The following PPFIBP1 variants were observed in gnomAD, a reference collection of about 807,000 sequenced individuals.
PPFIBP1 encodes liprin-beta-1.
A neutral mutation model predicts 137.8 loss-of-function variants in PPFIBP1; 112 were observed. The ratio of observed to expected loss-of-function variants is 0.81; its 90% CI spans 0.70 to 0.95. PPFIBP1 has a LOEUF of 0.95. Ranked by LOEUF, PPFIBP1 falls within the 40% of genes least tolerant of loss-of-function variation. PPFIBP1 has a pLI of 0.00. For synonymous variants in PPFIBP1, 378 were observed against 417.3 expected (o/e 0.91, Z 1.15); for missense variants, 1,083 against 1,196.6 (o/e 0.91, Z 1.40).
chr12:27,656,859 A>G, intron 9 of PPFIBP1, 129 bp downstream of exon 9: 2 of 632,094 alleles, frequency 3.2e-6, no homozygotes, highest in Non-Finnish European at 5.7e-6. Flanking sequence ...AGCCAGGACC[A>G]GAACCACAGG....
At chr12:27,679,868 G>C (rs1312888396) in intron 20 of PPFIBP1, 65 bp from the exon 21 acceptor site, 1 of 1,582,462 alleles carries the variant, frequency 6.3e-7, no homozygotes, top group Non-Finnish European at 8.6e-7. Context: ...AGTTAAAAAT[G>C]TTCTGATTAA....
At chr12:27,618,259 T>C (rs953154177) in intron 2 of PPFIBP1, among the ~76,000 whole-genome samples, 11 of 152,220 alleles carry the variant, frequency 7.2e-5, no homozygotes, top group Non-Finnish European at 1.3e-4. Flanking sequence ...ACCACCTGAA[T>C]GGACCCCTCC....
chr12:27,589,835 T>A (rs1161924382), intron 2 of PPFIBP1, among the ~76,000 whole-genome samples: 2 of 152,238 alleles, frequency 1.3e-5, no homozygotes, highest in African/African-American at 4.8e-5. Flanking sequence ...CCTATCATAG[T>A]GTCTAGTCTA....
At chr12:27,670,794 A>AAATAATAATAATAAT (rs1555238677) in intron 13 of PPFIBP1, among the ~76,000 whole-genome samples, 5 of 139,416 alleles carry the variant, frequency 3.6e-5, no homozygotes, top group African/African-American at 5.3e-5. Context: ...AAAAAAAAAA[A>AAATAATAATAATAAT]AATAATAATA....
rs200563067 is a variant in PPFIBP1 at position 27,578,519 on chromosome 12, CATAAA to C, written c.-36+287_-36+291del. ...GAAGGAAGACACAGACTTGGTAGAA[CATAAA>C]ATAAAAAGCACAGCCCTCTTCTCGA... On this transcript the variant is annotated intron_variant, in intron 2 of 29. Transcript: ENST00000228425. 6.4e-3 allele frequency among the ~76,000 whole-genome samples: 973 copies of C among 152,258 alleles called. 8 individuals carry two copies. Among genetic ancestry groups the C allele is most frequent in the African/African-American group, 0.022 (926 of 41,536 alleles).
At position 27,583,261 on chromosome 12, in the gene PPFIBP1, TAAG is replaced by T. The variant is rs550169641; in HGVS notation, c.-36+5027_-36+5029del. 3.5e-4 allele frequency among the ~76,000 whole-genome samples: 53 copies of T among 152,248 alleles called. No individual in the cohort carries two copies. The Middle Eastern group carries it at 0.02, about 59-fold the overall frequency. ...CATTATCTCAACCTTGGGGAAGAGT[TAAG>T]AAGACACAGGATGGAACACTGTTAG... On this transcript the variant is annotated intron_variant, in intron 2 of 29. Transcript: ENST00000228425.
chr12:27,532,480 A>G (rs573477239), intron 1 of PPFIBP1, among the ~76,000 whole-genome samples: 1 of 150,898 alleles, frequency 6.6e-6, no homozygotes, highest in South Asian at 2.1e-4. Flanking sequence ...TTTTTACAGT[A>G]TATTACATCT....
rs3842650 is a variant in PPFIBP1 at position 27,644,244 on chromosome 12, G to GTTTTT, written c.271-1797_271-1793dup. ...GGCGCACACCACCAAGCTTGGCTAA[G>GTTTTT]TTTTTTTTTTTTTTTTTTTTTTTTT... On this transcript the variant is annotated intron_variant, in intron 4 of 29. Coordinates refer to ENST00000228425, the MANE Select transcript of PPFIBP1 (RefSeq NM_003622.4). 1.0e-3 allele frequency among the ~76,000 whole-genome samples: 122 copies of GTTTTT among 117,728 alleles called. 3 individuals carry two copies. The highest frequency in any genetic ancestry group is 1.6e-3 in the Non-Finnish European group (95 of 58,800). 77.2% of individuals were successfully genotyped at this position (117,728 alleles called of 152,430 possible).
chr12:27,610,401 G>A (rs546849785), intron 2 of PPFIBP1, among the ~76,000 whole-genome samples: 1 of 152,294 alleles, frequency 6.6e-6, no homozygotes, highest in Admixed American at 6.5e-5. Flanking sequence ...AAGACCAAGT[G>A]TGATTTACAA....
chr12:27,669,966 A>G (rs1451886021), intron 13 of PPFIBP1, among the ~76,000 whole-genome samples: 1 of 152,156 alleles, frequency 6.6e-6, no homozygotes, highest in Non-Finnish European at 1.5e-5. Context: ...GTCGACATCC[A>G]CTGTAGATGT....
intron 10 of PPFIBP1, among the ~76,000 whole-genome samples, chr12:27,660,246 T>TG (rs1022623301): frequency 6.6e-6 from 1 of 152,200 alleles, no homozygotes; most frequent in Non-Finnish European, 1.5e-5. Context: ...TCAAGTAACA[T>TG]GCTTTTGTAT....
At chr12:27,625,482 A>G (rs1160263500) in intron 2 of PPFIBP1, among the ~76,000 whole-genome samples, 1 of 152,100 alleles carries the variant, frequency 6.6e-6, no homozygotes, top group Non-Finnish European at 1.5e-5. Flanking sequence ...AGCATTATTA[A>G]TAACCTTAGA....
rs750299464 is a variant in PPFIBP1, at chr12:27,685,230, T to C, written c.2248-2155T>C. On this transcript the variant is annotated intron_variant, in intron 24 of 29. Transcript: ENST00000228425. ...TACATAGAGTATGTATATATATATATACACACACATACACATATATGCATG... is the reference window on the plus strand; with the variant it reads ...TACATAGAGTATGTATATATATATACACACACACATACACATATATGCATG... 1.5e-4 allele frequency among the ~76,000 whole-genome samples: 22 copies of C among 149,710 alleles called. 1 individual carries two copies. Among genetic ancestry groups the C allele is most frequent in the South Asian group, 4.2e-4 (2 of 4,798 alleles).
intron 3 of PPFIBP1, among the ~76,000 whole-genome samples, chr12:27,634,308 C>G (rs1008867267): frequency 6.6e-6 from 1 of 152,092 alleles, no homozygotes; most frequent in Non-Finnish European, 1.5e-5. Flanking sequence ...ATTACAGGCA[C>G]ACGCCACTGC....
chr12:27,673,682 A>G, intron 15 of PPFIBP1, 85 bp from the exon 16 acceptor site: 1 of 1,187,796 alleles, frequency 8.4e-7, no homozygotes, highest in Non-Finnish European at 1.2e-6. Flanking sequence ...CCCACACGCA[A>G]TTTTAGTTTC....
intron 1 of PPFIBP1, among the ~76,000 whole-genome samples, chr12:27,555,778 T>C (rs979632257): frequency 3.3e-5 from 5 of 152,192 alleles, no homozygotes; most frequent in African/African-American, 9.6e-5. Flanking sequence ...AAAGCCCCCA[T>C]TTTGTGTTAA....
intron 19 of PPFIBP1, among the ~76,000 whole-genome samples, chr12:27,678,959 G>T (rs1010366278): frequency 1.3e-5 from 2 of 151,746 alleles, no homozygotes; most frequent in African/African-American, 4.8e-5. Context: ...ACTGAATTGG[G>T]AATATCACAG....
intron 2 of PPFIBP1, among the ~76,000 whole-genome samples, chr12:27,615,882 T>C (rs1403093741): frequency 6.6e-6 from 1 of 151,984 alleles, no homozygotes; most frequent in Non-Finnish European, 1.5e-5. Context: ...CCCAAAAGAA[T>C]TGTCCCAGGA....
At chr12:27,668,428 A>G (rs1031491849) in intron 13 of PPFIBP1, among the ~76,000 whole-genome samples, 1 of 152,208 alleles carries the variant, frequency 6.6e-6, no homozygotes, top group African/African-American at 2.4e-5. Flanking sequence ...TCACCAGTCC[A>G]TAGCAATTCC....
Sources: gnomAD v4.1 joint callset for allele counts (sites outside exome capture counted in the v4.1 genomes callset) on GRCh38, gnomAD v4.1.1 for gene constraint, MANE v1.5 for transcripts, NCBI Gene and HGNC (gene_info 2026-07-23, HGNC 2026-07-21) for gene names.